The following PHLDB2 variants were observed in gnomAD, a reference collection of about 807,000 sequenced individuals.
PHLDB2 encodes the protein pleckstrin homology like domain family B member 2.
PHLDB2 carries 71 observed loss-of-function variants against 123.6 expected under a neutral mutation model. That is an observed-to-expected ratio of 0.57 (90% CI 0.47 to 0.70). The LOEUF (loss-of-function observed/expected upper bound fraction) is 0.70. PHLDB2 is among the 30% of genes least tolerant of loss of function. The pLI is 0.00. For missense variants in PHLDB2, 1,446 were observed against 1,519.5 expected, an observed-to-expected ratio of 0.95 and a Z score of 0.80; for synonymous variants, 547 against 541.6, an observed-to-expected ratio of 1.01 and a Z score of -0.14.
chr3:111,966,184 G>A (rs929565559), intron 13 of PHLDB2, among the ~76,000 whole-genome samples: 7 of 152,258 alleles, frequency 4.6e-5, no homozygotes, highest in South Asian at 2.1e-4. Context: ...TATATAGAAC[G>A]TTGGTGATAG....
At chr3:111,837,958 C>T (rs1177947435) in intron 1 of PHLDB2, among the ~76,000 whole-genome samples, 1 of 152,062 alleles carries the variant, frequency 6.6e-6, no homozygotes, top group East Asian at 1.9e-4. Flanking sequence ...ATGAGAATCA[C>T]TTGAACCCGG....
chr3:111,733,370 C>G (rs1941568450), intron 1 of PHLDB2, among the ~76,000 whole-genome samples: 1 of 152,122 alleles, frequency 6.6e-6, no homozygotes, highest in African/African-American at 2.4e-5. Context: ...GGCCTGAGTC[C>G]CTCTGTAGCA....
At chr3:111,793,382 A>G (rs547762557) in intron 1 of PHLDB2, among the ~76,000 whole-genome samples, 3 of 152,196 alleles carry the variant, frequency 2.0e-5, no homozygotes, top group South Asian at 4.1e-4. Context: ...AGAGCTCCTC[A>G]GTCAGCTTAT....
At chr3:111,973,522 C>T (rs941208232) in intron 16 of PHLDB2, among the ~76,000 whole-genome samples, 7 of 152,192 alleles carry the variant, frequency 4.6e-5, no homozygotes, top group African/African-American at 1.4e-4. Context: ...TCTCGTTCTT[C>T]GGTTTGCAGC....
chr3:111,950,170 TATCTC>T (rs1380395265), intron 10 of PHLDB2, among the ~76,000 whole-genome samples: 1 of 152,204 alleles, frequency 6.6e-6, no homozygotes, highest in Non-Finnish European at 1.5e-5. Context: ...TATTGCAACT[TATCTC>T]AGATAGTTCT....
intron 11 of PHLDB2, 79 bp downstream of exon 11, chr3:111,952,791 TAAAGA>T: frequency 6.8e-7 from 1 of 1,460,590 alleles, no homozygotes. Context: ...TAAAGGCCTT[TAAAGA>T]AAAGTGCTAA....
At chr3:111,809,332 A>G (rs545368231) in intron 1 of PHLDB2, among the ~76,000 whole-genome samples, 1 of 152,246 alleles carries the variant, frequency 6.6e-6, no homozygotes, top group South Asian at 2.1e-4. Flanking sequence ...AACTCTAAAT[A>G]GTAAAATAAA....
intron 6 of PHLDB2, among the ~76,000 whole-genome samples, chr3:111,936,182 A>T (rs371103583): frequency 1.3e-4 from 20 of 152,184 alleles, no homozygotes; most frequent in African/African-American, 4.6e-4. Flanking sequence ...TACATTATTT[A>T]AAAAGTTACT....
chr3:111,745,099 G>C (rs1440723743), intron 1 of PHLDB2, among the ~76,000 whole-genome samples: 2 of 152,026 alleles, frequency 1.3e-5, no homozygotes, highest in Admixed American at 1.3e-4. Context: ...AAAACAAATG[G>C]GACAGAGGAA....
intron 1 of PHLDB2, among the ~76,000 whole-genome samples, chr3:111,835,049 A>G (rs2063336764): frequency 6.6e-6 from 1 of 152,170 alleles, no homozygotes; most frequent in Admixed American, 6.5e-5. Context: ...CAATCAGGCT[A>G]CAATCCTTCT....
intron 17 of PHLDB2, 56 bp downstream of exon 17, chr3:111,973,873 A>T (rs1296092023): frequency 9.1e-7 from 1 of 1,102,014 alleles, no homozygotes; most frequent in Non-Finnish European, 1.3e-6. Context: ...AGAAGGGAAA[A>T]ATATTTTTGG....
intron 1 of PHLDB2, among the ~76,000 whole-genome samples, chr3:111,784,536 C>T (rs549109996): frequency 3.9e-5 from 6 of 152,194 alleles, no homozygotes; most frequent in Admixed American, 6.5e-5. Flanking sequence ...TCTCATAAAC[C>T]GTGCTGATAA....
intron 1 of PHLDB2, among the ~76,000 whole-genome samples, chr3:111,796,176 G>T (rs1416201930): frequency 6.6e-6 from 1 of 152,188 alleles, no homozygotes; most frequent in African/African-American, 2.4e-5. Flanking sequence ...GGGATTACAG[G>T]CATGAGCCAC....
chr3:111,742,155 C>T (rs192379994), intron 1 of PHLDB2, among the ~76,000 whole-genome samples: 6 of 152,198 alleles, frequency 3.9e-5, no homozygotes, highest in Non-Finnish European at 7.4e-5. Flanking sequence ...TGAGGGTCAC[C>T]ATATTTTCTC....
rs376518323 is a variant in PHLDB2, at chr3:111,961,582, A to G, written c.2873-526A>G. On this transcript the variant is annotated intron_variant, in intron 12 of 17. Transcript: ENST00000431670. ...AAAATGGGAAAAATGTGTAGTTTGG[A>G]TCTTAACAAGATTAAAAGTGTCAGT... is the stretch of plus-strand genomic sequence containing the variant. 1.5e-4 allele frequency among the ~76,000 whole-genome samples: 23 copies of G among 152,306 alleles called. No individual in the cohort carries two copies. The East Asian group carries it at 3.9e-3, about 26-fold the overall frequency.
intron 2 of PHLDB2, among the ~76,000 whole-genome samples, chr3:111,907,132 T>C (rs1267953403): frequency 6.6e-6 from 1 of 152,180 alleles, no homozygotes; most frequent in Non-Finnish European, 1.5e-5. Context: ...TGAAAGCCAG[T>C]GAAAAGTCTG....
At chr3:111,905,748 C>T (rs996389416) in intron 2 of PHLDB2, among the ~76,000 whole-genome samples, 1 of 152,076 alleles carries the variant, frequency 6.6e-6, no homozygotes, top group Non-Finnish European at 1.5e-5. Context: ...ATATCAGCAT[C>T]GCAGCAAACA....
At position 111,932,382 on chromosome 3, in the gene PHLDB2, A is replaced by G. The variant is rs771180764; in HGVS notation, c.2115A>G (p.Gln705=). ...CTGAGTCCATGAGGGAACAGTTACAACAACAACTGAAGAGGGTCAGTAGCA... is the reference window on the plus strand; with the variant it reads ...CTGAGTCCATGAGGGAACAGTTACAGCAACAACTGAAGAGGGTCAGTAGCA... ...NCPESMREQL[Q]QQLKRDADLL... Residue 705 remains glutamine, a synonymous_variant, in exon 6 of 18, where the codon CAA becomes CAG. Transcript: ENST00000431670. 5.8e-6 allele frequency: 9 copies of G among 1,551,086 alleles called. No individual in the cohort carries two copies. Among genetic ancestry groups the G allele is most frequent in the Non-Finnish European group, 7.8e-6 (9 of 1,146,502 alleles).
At chr3:111,780,816 A>G (rs1409897188) in intron 1 of PHLDB2, among the ~76,000 whole-genome samples, 1 of 152,104 alleles carries the variant, frequency 6.6e-6, no homozygotes, top group African/African-American at 2.4e-5. Context: ...ACAGGATCTT[A>G]TAACAGATGT....
Sources: allele counts gnomAD v4.1 joint callset (sites outside exome capture counted in the v4.1 genomes callset), GRCh38; gene constraint gnomAD v4.1.1; transcripts MANE v1.5; gene names NCBI Gene and HGNC (gene_info 2026-07-23, HGNC 2026-07-21).